The following POGK variants were observed in gnomAD, a reference collection of about 807,000 sequenced individuals.
The protein encoded by POGK is pogo transposable element derived with KRAB domain, also known as pogo transposable element with KRAB domain.
In POGK, 16 loss-of-function variants were observed where a neutral mutation model predicts 54.4. The observed-to-expected ratio is 0.29, with a 90% CI of 0.20 to 0.45. The LOEUF is 0.45. Among genes scored for constraint, POGK ranks in the 20% least tolerant of loss-of-function variants. The probability of loss-of-function intolerance (pLI) is 1.00; values close to 1 mark genes in which losing one functional copy is unlikely to be tolerated. For missense variants in POGK, 515 were observed against 795.6 expected (o/e 0.65, Z 4.24); for synonymous variants, 271 against 302.2 (o/e 0.90, Z 1.07).
In POGK at chr1:166,849,638, T is replaced by G. The variant is rs1276492574; in HGVS notation, c.1059T>G (p.His353Gln). 6.2e-7 allele frequency: 1 copy of G among 1,614,250 alleles called. No homozygotes were observed. The highest frequency in any genetic ancestry group is 1.7e-5 in the Admixed American group (1 of 60,036). The change falls in exon 5 of 6, where the codon CAT becomes CAG. Residue 353 changes from histidine (H) to glutamine (Q), a missense_variant. Physicochemically the swap from His to Gln is conservative, Grantham distance 24. Coordinates refer to ENST00000367876, the MANE Select transcript of POGK (RefSeq NM_017542.5). ...QRSVLALRRA[H>Q]DYEVAQMGNA... ...GTGTCCTGGCTCTGCGCAGGGCGCA[T>G]GACTATGAGGTAGCTCAGATGGGGA...
rs1478119109 is a variant in POGK, at chr1:166,849,947, G to A, written c.1368G>A (p.Arg456=). Residue 456 remains arginine (R), a synonymous_variant, in exon 5 of 6, where the codon CGG becomes CGA. Transcript: ENST00000367876. The stretch of plus-strand genomic sequence containing the variant: ...ACTGGTTGGAAGTGGTGTGGAGACG[G>A]AGGACAGGAGCAGTGCCCAAGCAGC... The part of the protein sequence containing the change: ...MQDWLEVVWR[R]RTGAVPKQRG... 7 of 1,614,250 alleles carry A rather than the reference G, an allele frequency of 4.3e-6. No homozygotes were observed. Among genetic ancestry groups the A allele is most frequent in the South Asian group, 1.1e-5 (1 of 91,088 alleles).
intron 2 of POGK, among the ~76,000 whole-genome samples, chr1:166,844,418 A>G (rs1357084492): frequency 6.6e-6 from 1 of 152,204 alleles, no homozygotes; most frequent in African/African-American, 2.4e-5. Context: ...GAATTGGGAA[A>G]GGAGTAGGGT....
Position 166,840,988 on chromosome 1 carries a change from G to A in POGK, c.32G>A (p.Ser11Asn), listed in dbSNP as rs886991440. Residue 11 changes from serine (S) to asparagine (N), a missense_variant, in exon 2 of 6, where the codon AGC (serine) becomes AAC (asparagine). Ser to Asn is a conservative substitution (Grantham distance 46, BLOSUM62 1). This residue lies in a region of POGK where 54 missense variants were observed against 52.0 expected (regional missense o/e 1.04). Coordinates refer to ENST00000367876, the MANE Select transcript of POGK (RefSeq NM_017542.5). ...TCCACAGCCTACCCTCTCAATTTGA[G>A]CCTGAAAGAAGAGGAAGAGGAAGAA... MESTAYPLNL[S>N]LKEEEEEEEI... 3 of 1,613,918 alleles carry A rather than the reference G, an allele frequency of 1.9e-6. No homozygotes were observed. Among genetic ancestry groups the A allele is most frequent in the Non-Finnish European group, 2.5e-6 (3 of 1,179,974 alleles).
rs1319231513 is a variant in POGK, at chr1:166,853,770, A to G, written c.*1200A>G. 2 of 152,580 alleles carry G rather than the reference A, an allele frequency of 1.3e-5. No individual in the cohort carries two copies. Among genetic ancestry groups the G allele is most frequent in the East Asian group, 3.8e-4 (2 of 5,198 alleles). The allele number at this position is 152,580 out of a possible 1,614,324, so 9.5% of individuals were successfully genotyped here. A position where few individuals can be genotyped will look rare whatever the true frequency, so the allele number is the denominator to read the frequency against. On this transcript the variant is annotated 3_prime_UTR_variant, in exon 6 of 6. Coordinates refer to ENST00000367876, the MANE Select transcript of POGK (RefSeq NM_017542.5). ...CTTCTTGTAGACTCAGCTCACCTGTATATTTAAACTGTTCTTGGCATCTTG... is the reference window on the plus strand; with the variant it reads ...CTTCTTGTAGACTCAGCTCACCTGTGTATTTAAACTGTTCTTGGCATCTTG...
Position 166,855,577 on chromosome 1 carries a change from T to G in POGK, c.*3007T>G, listed in dbSNP as rs1045918535. On this transcript the variant is annotated 3_prime_UTR_variant, in exon 6 of 6. Transcript: ENST00000367876. ...AAATGATTTCATAGGAAAATTGGCA[T>G]GGAGAGCAGATAGTAGAGTGTAGAC... The G allele has an allele frequency of 6.6e-6, 1 of 152,254 alleles. No homozygotes were observed. The highest frequency in any genetic ancestry group is 1.5e-5 in the Non-Finnish European group (1 of 68,092). The allele number at this position is 152,254 out of a possible 1,614,324, so 9.4% of individuals were successfully genotyped here.
rs753218448 is a variant in POGK at position 166,848,925 on chromosome 1, A to G, written c.359-13A>G. 1.1e-5 allele frequency: 17 copies of G among 1,571,868 alleles called. No individual in the cohort carries two copies. The Admixed American group carries it at 1.5e-4, about 14-fold the overall frequency. On this transcript the variant is annotated splice_polypyrimidine_tract_variant and intron_variant, in intron 4 of 5. Transcript: ENST00000367876. ...ACTGGCATTATTTTTGCCCCTCACT[A>G]TTTGTCTCCCAGAAAATGAAGAATC...
chr1:166,847,135 C>T (rs1050142898), intron 3 of POGK, among the ~76,000 whole-genome samples: 1 of 152,298 alleles, frequency 6.6e-6, no homozygotes, highest in Admixed American at 6.5e-5. Context: ...CCAACTTCCA[C>T]CCCAAATTGA....
At chr1:166,844,300 G>C (rs1394531043) in intron 2 of POGK, among the ~76,000 whole-genome samples, 2 of 152,066 alleles carry the variant, frequency 1.3e-5, no homozygotes, top group African/African-American at 2.4e-5. Context: ...AGACAGTCCT[G>C]TTCCCATTTT....
chr1:166,847,091 G>C (rs1041403292), intron 3 of POGK, among the ~76,000 whole-genome samples: 1 of 152,122 alleles, frequency 6.6e-6, no homozygotes, highest in African/African-American at 2.4e-5. Context: ...GAAGTTTGGG[G>C]ACATACCCTC....
chr1:166,846,403 G>C (rs1657849608), intron 2 of POGK, among the ~76,000 whole-genome samples: 1 of 152,234 alleles, frequency 6.6e-6, no homozygotes, highest in South Asian at 2.1e-4. Flanking sequence ...GGCAGCTGCT[G>C]TGGTGGGCAC....
At position 166,850,434 on chromosome 1, in the gene POGK, A is replaced by C. The variant is rs1189907913; in HGVS notation, c.*14+11A>C. ...AAGGGAAAGGGAAAGGTAACCACTC[A>C]GGAGTAGATACTCAGTGCCTTTGCT... On this transcript the variant is annotated intron_variant, in intron 5 of 5. Transcript: ENST00000367876. 6.4e-7 allele frequency: 1 copy of C among 1,572,884 alleles called. No individual in the cohort carries two copies. The highest frequency in any genetic ancestry group is 1.8e-5 in the Admixed American group (1 of 56,422).
intron 5 of POGK, chr1:166,850,702 A>G (rs1187661729): frequency 3.2e-6 from 1 of 311,496 alleles, no homozygotes; most frequent in Non-Finnish European, 5.9e-6. Context: ...AGGAGCACAA[A>G]CCCTGTTGTG....
chr1:166,848,290 A>T (rs1657922811), intron 4 of POGK, among the ~76,000 whole-genome samples: 1 of 152,226 alleles, frequency 6.6e-6, no homozygotes, highest in African/African-American at 2.4e-5. Context: ...AATGGCACAT[A>T]ATGATGCATC....
rs1168871263 is a variant in POGK at position 166,852,812 on chromosome 1, A to C, written c.*242A>C. On this transcript the variant is annotated 3_prime_UTR_variant, in exon 6 of 6. Transcript: ENST00000367876. Reference sequence around the variant, plus strand: ...TAGGACCTATCATTTCATCAGAGACATGATCAGAAAAGAAACTGCTTCTGC... The same window carrying C: ...TAGGACCTATCATTTCATCAGAGACCTGATCAGAAAAGAAACTGCTTCTGC... The C allele has an allele frequency of 6.6e-6, 1 of 152,266 alleles. No individual in the cohort carries two copies. The highest frequency in any genetic ancestry group is 1.5e-5 in the Non-Finnish European group (1 of 68,052). The allele number at this position is 152,266 out of a possible 1,614,324, so 9.4% of individuals were successfully genotyped here.
rs1024480004 is a variant in POGK, at chr1:166,852,957, C to G, written c.*387C>G. 8 of 152,250 alleles carry G rather than the reference C, an allele frequency of 5.3e-5. No homozygotes were observed. Among genetic ancestry groups the G allele is most frequent in the Non-Finnish European group, 1.2e-4 (8 of 68,050 alleles). The allele number at this position is 152,250 out of a possible 1,614,324, so 9.4% of individuals were successfully genotyped here. A position where few individuals can be genotyped will look rare whatever the true frequency, so the allele number is the denominator to read the frequency against. ...TATTCAACACCAACGAGGGACTCATCATATGGGCACAACTCTGGTGTCCTT... is the reference window on the plus strand; with the variant it reads ...TATTCAACACCAACGAGGGACTCATGATATGGGCACAACTCTGGTGTCCTT... On this transcript the variant is annotated 3_prime_UTR_variant, in exon 6 of 6. Transcript: ENST00000367876.
intron 5 of POGK, 145 bp from the exon 6 acceptor site, chr1:166,852,440 T>C (rs1367892949): frequency 6.6e-6 from 1 of 152,224 alleles, no homozygotes; most frequent in African/African-American, 2.4e-5. Flanking sequence ...AGATTCACAG[T>C]GAACAAGAGA....
chr1:166,850,445 C>T (rs1158485416), intron 5 of POGK, 22 bp downstream of exon 5: 4 of 1,554,806 alleles, frequency 2.6e-6, no homozygotes, highest in South Asian at 1.2e-5. Flanking sequence ...GGAGTAGATA[C>T]TCAGTGCCTT....
At chr1:166,848,013 A>G (rs910243931) in intron 4 of POGK, among the ~76,000 whole-genome samples, 146 of 152,350 alleles carry the variant, frequency 9.6e-4, no homozygotes, top group African/African-American at 3.4e-3. Flanking sequence ...AATAGCAATC[A>G]TAGCATACAT....
Position 166,855,832 on chromosome 1 carries a change from T to G in POGK, c.*3262T>G, listed in dbSNP as rs1224562616. On this transcript the variant is annotated 3_prime_UTR_variant, in exon 6 of 6. Transcript: ENST00000367876. ...TCTCCATCTATGGAACTATGAAATT[T>G]CACACATATTCCCTAGGCAGCATTA... The G allele has an allele frequency of 6.6e-6, 1 of 152,240 alleles. No homozygotes were observed. The highest frequency in any genetic ancestry group is 1.9e-4 in the East Asian group (1 of 5,194). The allele number at this position is 152,240 out of a possible 1,614,324, so 9.4% of individuals were successfully genotyped here. A position where few individuals can be genotyped will look rare whatever the true frequency, so the allele number is the denominator to read the frequency against.
Sources: allele counts gnomAD v4.1 joint callset (sites outside exome capture counted in the v4.1 genomes callset), GRCh38; gene constraint gnomAD v4.1.1; regional missense constraint gnomAD v4.1.1; transcripts MANE v1.5; gene names NCBI Gene and HGNC (gene_info 2026-07-23, HGNC 2026-07-21).